Variants in ARHGAP30 observed in about 807,000 individuals in gnomAD.
The protein encoded by ARHGAP30 is rho GTPase-activating protein 30.
ARHGAP30 carries 23 observed loss-of-function variants against 72.0 expected under a neutral mutation model. That is an observed-to-expected ratio of 0.32 (90% CI 0.23 to 0.45). The LOEUF (loss-of-function observed/expected upper bound fraction) is 0.45. Among genes scored for constraint, ARHGAP30 ranks in the 20% least tolerant of loss-of-function variants. ARHGAP30 has a pLI of 1.00. For missense variants in ARHGAP30, 1,319 were observed against 1,383.4 expected (o/e 0.95, Z 0.74); for synonymous variants, 576 against 528.2 (o/e 1.09, Z -1.24).
Position 161,053,262 on chromosome 1 carries a change from G to A in ARHGAP30, c.660C>T (p.Leu220=), listed in dbSNP as rs1651553744. 1 of 1,613,758 alleles carries A rather than the reference G, an allele frequency of 6.2e-7. No homozygotes were observed. The highest frequency in any genetic ancestry group is 1.3e-5 in the African/African-American group (1 of 74,902). ...HVDQLFGGAA[L]SGGEVESGWR... is the part of the protein sequence containing the mutation. ...GAGGGCAGGAAGGACACTGACCAGA[G>A]AGGGCAGCACCCCCAAAGAGCTGGT... Residue 220 remains leucine, a synonymous_variant, in exon 6 of 12, where the codon CTC becomes CTT. Transcript: ENST00000368013.
intron 5 of ARHGAP30, among the ~76,000 whole-genome samples, chr1:161,053,953 A>G (rs979850827): frequency 1.3e-5 from 2 of 152,170 alleles, no homozygotes; most frequent in Non-Finnish European, 2.9e-5. Flanking sequence ...CTGTAATCCC[A>G]GCTACTCAGG....
intron 2 of ARHGAP30, 108 bp from the exon 3 acceptor site, chr1:161,056,640 G>T: frequency 8.1e-7 from 1 of 1,238,300 alleles, no homozygotes; most frequent in South Asian, 1.5e-5. Flanking sequence ...ACATGTGTTG[G>T]ACTTGGAAGG....
Position 161,048,157 on chromosome 1 carries a change from C to T in ARHGAP30, c.2864G>A (p.Ser955Asn), listed in dbSNP as rs1428531574. 6.2e-7 allele frequency: 1 copy of T among 1,614,082 alleles called. No individual in the cohort carries two copies. Among genetic ancestry groups the T allele is most frequent in the Non-Finnish European group, 8.5e-7 (1 of 1,180,046 alleles). ...ATTTGCAGGTGCCACATGAATCTTG[C>T]TACACATTGCACTGGGCATCTTGGC... ...QFAKMPSAMC[S>N]KIHVAPANPC... is the part of the protein sequence containing the mutation. Residue 955 changes from serine (S) to asparagine (N), a missense_variant, in exon 12 of 12, where the codon AGC becomes AAC. Transcript: ENST00000368013.
At chr1:161,057,419 A>T (rs920508566) in intron 2 of ARHGAP30, among the ~76,000 whole-genome samples, 1 of 152,234 alleles carries the variant, frequency 6.6e-6, no homozygotes, top group African/African-American at 2.4e-5. Context: ...GCTCCAAAGA[A>T]GATATGCAAG....
intron 1 of ARHGAP30, among the ~76,000 whole-genome samples, chr1:161,068,091 G>A (rs73019791): frequency 0.025 from 3,882 of 152,240 alleles, 50 homozygotes; most frequent in African/African-American, 0.035. Flanking sequence ...TGGGCTGGCT[G>A]TGGGTTCAGT....
intron 1 of ARHGAP30, among the ~76,000 whole-genome samples, chr1:161,066,986 G>A (rs1652824011): frequency 1.3e-5 from 2 of 152,222 alleles, no homozygotes; most frequent in African/African-American, 4.8e-5. Flanking sequence ...TACAAACCAG[G>A]TCTTCTCTAT....
Position 161,069,473 on chromosome 1 carries a change from G to T in ARHGAP30, c.97+55C>A. On this transcript the variant is annotated intron_variant, in intron 1 of 11. Coordinates refer to ENST00000368013, the MANE Select transcript of ARHGAP30 (RefSeq NM_001025598.2). The surrounding 1 kb of genome is among the most constrained non-coding windows in gnomAD (Gnocchi z 4.9). ...TCTGCCCTTCAGGCTGGATCGGGCT[G>T]CAGATGCCCAGTGCCTCCCCACCCA... The T allele has an allele frequency of 6.4e-7, 1 of 1,555,888 alleles. No individual in the cohort carries two copies. Among genetic ancestry groups the T allele is most frequent in the South Asian group, 1.1e-5 (1 of 89,952 alleles).
intron 2 of ARHGAP30, among the ~76,000 whole-genome samples, chr1:161,058,860 CAA>C (rs771979327): frequency 9.6e-5 from 11 of 114,728 alleles, no homozygotes; most frequent in Non-Finnish European, 1.0e-4. Context: ...GACTCTATCT[CAA>C]AAAAAAAAAA....
chr1:161,063,671 G>A (rs999555689), intron 1 of ARHGAP30, among the ~76,000 whole-genome samples: 2 of 152,246 alleles, frequency 1.3e-5, no homozygotes, highest in Non-Finnish European at 2.9e-5. Context: ...CTGACTGCCG[G>A]TGAACCGGGC....
rs916024295 is a variant in ARHGAP30, at chr1:161,051,835, G to A, written c.1019-120C>T. On this transcript the variant is annotated intron_variant, in intron 9 of 11. Coordinates refer to ENST00000368013, the MANE Select transcript of ARHGAP30 (RefSeq NM_001025598.2). ...CAGGCTTGAAAGCAACGATAGCCTG[G>A]AAGGCACCAGGCCCAGCTTCTTTTG... 46 of 1,434,586 alleles carry A rather than the reference G, an allele frequency of 3.2e-5. No homozygotes were observed. In the African/African-American group the frequency reaches 6.3e-4, roughly 20 times the overall value. 88.9% of individuals were successfully genotyped at this position (1,434,586 alleles called of 1,614,324 possible).
rs1179223013 is a variant in ARHGAP30 at position 161,066,152 on chromosome 1, A to G, written c.97+3376T>C. Among the ~76,000 whole-genome samples, 5 of 150,612 alleles carry G rather than the reference A, an allele frequency of 3.3e-5. No homozygotes were observed. The East Asian group carries it at 8.1e-4, about 24-fold the overall frequency. ...AGTGCTGGGATTACAGGCGTGAGCC[A>G]CCATGCTCAGCCAACCAAAATCTTT... On this transcript the variant is annotated intron_variant, in intron 1 of 11. Coordinates refer to ENST00000368013, the MANE Select transcript of ARHGAP30 (RefSeq NM_001025598.2).
rs1650934957 is a variant in ARHGAP30 at position 161,047,493 on chromosome 1, C to A, written c.*222G>T. 2 of 389,540 alleles carry A rather than the reference C, an allele frequency of 5.1e-6. No individual in the cohort carries two copies. The highest frequency in any genetic ancestry group is 1.0e-4 in the South Asian group (1 of 9,560). The allele number at this position is 389,540 out of a possible 1,614,324, so 24.1% of individuals were successfully genotyped here. A position where few individuals can be genotyped will look rare whatever the true frequency, so the allele number is the denominator to read the frequency against. ...CTCCCTGGGAACAAGATCTTGTTGA[C>A]TTTCTTGGGAATCTCCTAAGAGATA... On this transcript the variant is annotated 3_prime_UTR_variant, in exon 12 of 12. Coordinates refer to ENST00000368013, the MANE Select transcript of ARHGAP30 (RefSeq NM_001025598.2).
chr1:161,064,934 GGAAGGGAAGGGAA>G (rs1220256816), intron 1 of ARHGAP30, among the ~76,000 whole-genome samples: 1 of 150,818 alleles, frequency 6.6e-6, no homozygotes. Flanking sequence ...GGAAAGGAAG[GGAAGGGAAGGGAA>G]GAAGGGAAGG....
intron 1 of ARHGAP30, among the ~76,000 whole-genome samples, chr1:161,062,590 G>A (rs1249309597): frequency 6.6e-6 from 1 of 151,752 alleles, no homozygotes; most frequent in East Asian, 2.0e-4. Flanking sequence ...TTAGCCTGAT[G>A]TGGTGGCATG....
chr1:161,059,340 T>C (rs1376116569), intron 2 of ARHGAP30, among the ~76,000 whole-genome samples: 2 of 151,278 alleles, frequency 1.3e-5, no homozygotes, highest in African/African-American at 4.9e-5. Context: ...AAGTTTTTTT[T>C]TTTTTTTTTT....
At chr1:161,067,138 A>C (rs1042821534) in intron 1 of ARHGAP30, among the ~76,000 whole-genome samples, 1 of 152,108 alleles carries the variant, frequency 6.6e-6, no homozygotes. Context: ...GGAGTTAGGG[A>C]GATAGAGATC....
At chr1:161,053,600 C>G (rs1247986648) in intron 5 of ARHGAP30, among the ~76,000 whole-genome samples, 1 of 151,910 alleles carries the variant, frequency 6.6e-6, no homozygotes, top group African/African-American at 2.4e-5. Context: ...AGGAAGCCTT[C>G]TTGGACACCC....
chr1:161,064,779 AAAAG>A (rs201614477), intron 1 of ARHGAP30, among the ~76,000 whole-genome samples: 1,442 of 98,096 alleles, frequency 0.015, 11 homozygotes, highest in East Asian at 0.033. Context: ...GAAAGAAAGA[AAAAG>A]AAAGAAAGAA....
At chr1:161,063,647 G>A (rs537054575) in intron 1 of ARHGAP30, among the ~76,000 whole-genome samples, 212 of 152,372 alleles carry the variant, frequency 1.4e-3, no homozygotes, top group Non-Finnish European at 2.8e-3. Context: ...GAATAAGAGA[G>A]ATAACCTTAA....
Sources: allele counts gnomAD v4.1 joint callset (sites outside exome capture counted in the v4.1 genomes callset), GRCh38; gene constraint gnomAD v4.1.1; non-coding constraint Gnocchi (gnomAD v3.1); transcripts MANE v1.5; gene names NCBI Gene and HGNC (gene_info 2026-07-23, HGNC 2026-07-21).